The following ETS1 variants were observed in gnomAD, a reference collection of about 807,000 sequenced individuals.
ETS1 encodes the protein protein C-ets-1.
In ETS1, 15 loss-of-function variants were observed where a neutral mutation model predicts 58.6. The observed-to-expected ratio is 0.26, with a 90% CI of 0.17 to 0.39. The LOEUF is 0.39. Ranked by LOEUF, ETS1 falls within the 10% of genes least tolerant of loss-of-function variation. The pLI is 1.00. For missense variants in ETS1, 417 were observed against 610.5 expected (o/e 0.68, Z 3.34); for synonymous variants, 214 against 218.2 (o/e 0.98, Z 0.17).
chr11:128,498,459 A>T, intron 3 of ETS1, among the ~76,000 whole-genome samples: 1 of 152,176 alleles, frequency 6.6e-6, no homozygotes, highest in Non-Finnish European at 1.5e-5. Context: ...TGCATCCTCC[A>T]ATCTGCTAAC....
intron 3 of ETS1, among the ~76,000 whole-genome samples, chr11:128,540,446 T>C (rs893708966): frequency 4.6e-5 from 7 of 152,040 alleles, no homozygotes. Flanking sequence ...GTATAGTATG[T>C]GAATTATATC....
At chr11:128,559,946 G>GA (rs1321199120) in intron 2 of ETS1, among the ~76,000 whole-genome samples, 1 of 152,160 alleles carries the variant, frequency 6.6e-6, no homozygotes, top group Non-Finnish European at 1.5e-5. Context: ...TGCAACTGGA[G>GA]ATGAGTCAAC....
At chr11:128,489,571 C>A in intron 4 of ETS1, 81 bp from the exon 5 acceptor site, 1 of 1,052,812 alleles carries the variant, frequency 9.5e-7, no homozygotes, top group Non-Finnish European at 1.5e-6. Context: ...ACTGAAGGAG[C>A]TGAATTTAGC....
chr11:128,571,127 A>T (rs61247414), intron 2 of ETS1, among the ~76,000 whole-genome samples: 2,347 of 152,122 alleles, frequency 0.015, 69 homozygotes, highest in African/African-American at 0.053. Context: ...GTTTTTTTTA[A>T]TGCTAAAAAA....
intron 2 of ETS1, among the ~76,000 whole-genome samples, chr11:128,569,803 A>G (rs1323788644): frequency 6.6e-6 from 1 of 152,240 alleles, no homozygotes; most frequent in East Asian, 1.9e-4. Context: ...GGACAGAGAA[A>G]CTGAGGCCCA....
At chr11:128,504,744 A>G (rs1863185147) in intron 3 of ETS1, among the ~76,000 whole-genome samples, 1 of 152,094 alleles carries the variant, frequency 6.6e-6, no homozygotes, top group Non-Finnish European at 1.5e-5. Context: ...GTGGACTGGG[A>G]GGGAGAGGCT....
intron 3 of ETS1, among the ~76,000 whole-genome samples, chr11:128,552,823 G>A (rs920906232): frequency 6.0e-4 from 92 of 152,298 alleles, no homozygotes; most frequent in African/African-American, 2.1e-3. Context: ...TCTGAGGCTC[G>A]CTACCGTTAC....
intron 2 of ETS1, among the ~76,000 whole-genome samples, chr11:128,565,274 C>T (rs1864474133): frequency 6.6e-6 from 1 of 152,182 alleles, no homozygotes; most frequent in African/African-American, 2.4e-5. Context: ...GAGGACACAG[C>T]GTTCATCCCC....
intron 3 of ETS1, among the ~76,000 whole-genome samples, chr11:128,503,615 T>C (rs1407219969): frequency 6.6e-6 from 1 of 152,134 alleles, no homozygotes; most frequent in Non-Finnish European, 1.5e-5. Context: ...AAGTGAGTGA[T>C]CTATAGGTCA....
chr11:128,494,926 C>T (rs895176467), intron 3 of ETS1, among the ~76,000 whole-genome samples: 1 of 152,198 alleles, frequency 6.6e-6, no homozygotes, highest in Non-Finnish European at 1.5e-5. Context: ...GGCCCAACCC[C>T]ATCAGATTAT....
chr11:128,537,431 G>A (rs1863988167), intron 3 of ETS1, among the ~76,000 whole-genome samples: 1 of 152,176 alleles, frequency 6.6e-6, no homozygotes, highest in Admixed American at 6.5e-5. Context: ...GGTGGATACA[G>A]TAGGATCCCA....
Position 128,584,989 on chromosome 11 carries a change from AGGAAGGAAG to A in ETS1, c.-15+2490_-15+2498del, listed in dbSNP as rs1411591294. ...AAGAAAGAAAGAAAGAAAGAAAGAA[AGGAAGGAAG>A]GAAGGAAAGAAAGGAAAGAAAGAAG... On this transcript the variant is annotated intron_variant, in intron 1 of 9. Transcript: ENST00000392668. 1.1e-3 allele frequency among the ~76,000 whole-genome samples: 57 copies of A among 51,216 alleles called. 4 individuals carry two copies. The highest frequency in any genetic ancestry group is 5.0e-3 in the East Asian group (6 of 1,210). 33.6% of individuals were successfully genotyped at this position (51,216 alleles called of 152,430 possible).
At chr11:128,482,133 C>A (rs891256419) in intron 7 of ETS1, among the ~76,000 whole-genome samples, 10 of 152,064 alleles carry the variant, frequency 6.6e-5, no homozygotes, top group Non-Finnish European at 5.9e-5. Flanking sequence ...AATTCTTTCC[C>A]ATTTACCCAC....
chr11:128,521,475 C>G (rs1281518449), intron 3 of ETS1, among the ~76,000 whole-genome samples: 1 of 152,160 alleles, frequency 6.6e-6, no homozygotes, highest in Non-Finnish European at 1.5e-5. Context: ...AAGGCCAACC[C>G]GTTAGACTGC....
intron 3 of ETS1, among the ~76,000 whole-genome samples, chr11:128,509,979 A>G (rs1863349333): frequency 6.6e-6 from 1 of 152,218 alleles, no homozygotes; most frequent in African/African-American, 2.4e-5. Context: ...TGTAAATATT[A>G]GCTTCACTTC....
intron 3 of ETS1, among the ~76,000 whole-genome samples, chr11:128,506,164 C>G (rs1425146765): frequency 2.0e-5 from 3 of 152,084 alleles, no homozygotes; most frequent in Non-Finnish European, 4.4e-5. Context: ...CATGGGGCTT[C>G]TTTTGGGAGT....
rs190777642 is a variant in ETS1, at chr11:128,515,042, T to C, written c.215-24466A>G. Among the ~76,000 whole-genome samples, 1,384 of 152,308 alleles carry C rather than the reference T, an allele frequency of 9.1e-3. 13 individuals are homozygous for C. Among genetic ancestry groups the C allele is most frequent in the Non-Finnish European group, 0.012 (820 of 68,018 alleles). On this transcript the variant is annotated intron_variant, in intron 3 of 9. Coordinates refer to ENST00000392668, the MANE Select transcript of ETS1 (RefSeq NM_001143820.2). Reference sequence around the variant, plus strand: ...ATTCCTTTCCTCCCCTTCTAAAGAATTGAGGGCTTGTTTTTTATTTTTGCT... The same window carrying C: ...ATTCCTTTCCTCCCCTTCTAAAGAACTGAGGGCTTGTTTTTTATTTTTGCT...
rs1015292216 is a variant in ETS1 at position 128,459,889 on chromosome 11, G to A, written c.*2472C>T. The A allele has an allele frequency of 2.0e-5, 3 of 152,324 alleles. No individual in the cohort carries two copies. Among genetic ancestry groups the A allele is most frequent in the Non-Finnish European group, 4.4e-5 (3 of 68,038 alleles). 9.4% of individuals were successfully genotyped at this position (152,324 alleles called of 1,614,324 possible). ...CAGGAGTTATACTCACAGAAGGAGA[G>A]TTTCCGGCATAAATTTAATAGGAAC... On this transcript the variant is annotated 3_prime_UTR_variant, in exon 10 of 10. Coordinates refer to ENST00000392668, the MANE Select transcript of ETS1 (RefSeq NM_001143820.2).
chr11:128,543,479 T>C (rs1471740875), intron 3 of ETS1, among the ~76,000 whole-genome samples: 1 of 152,158 alleles, frequency 6.6e-6, no homozygotes, highest in East Asian at 1.9e-4. Context: ...AAGTGACCAG[T>C]AACTATGGGG....
Sources: gnomAD v4.1 joint callset for allele counts (sites outside exome capture counted in the v4.1 genomes callset) on GRCh38, gnomAD v4.1.1 for gene constraint, MANE v1.5 for transcripts, NCBI Gene and HGNC (gene_info 2026-07-23, HGNC 2026-07-21) for gene names.